HELQ: variants seen among roughly 807,000 people sequenced by gnomAD.
HELQ encodes helicase POLQ-like.
Under a neutral mutation model 111.6 loss-of-function variants are expected in HELQ, and 77 were observed. The observed-to-expected ratio is 0.69, with a 90% CI of 0.57 to 0.83. The LOEUF is 0.83. Among genes scored for constraint, HELQ ranks in the 40% least tolerant of loss-of-function variants. HELQ has a pLI of 0.00. For missense variants in HELQ, 1,200 were observed against 1,288.5 expected (o/e 0.93, Z 1.05); for synonymous variants, 438 against 454.7 (o/e 0.96, Z 0.47).
intron 15 of HELQ, among the ~76,000 whole-genome samples, chr4:83,419,516 A>C (rs1398647262): frequency 6.7e-6 from 1 of 149,458 alleles, no homozygotes; most frequent in Non-Finnish European, 1.5e-5. Context: ...AAATGAAGTA[A>C]ATTAATTAGA....
At chr4:83,415,132 G>A (rs1195673336) in intron 17 of HELQ, among the ~76,000 whole-genome samples, 1 of 152,228 alleles carries the variant, frequency 6.6e-6, no homozygotes, top group African/African-American at 2.4e-5. Flanking sequence ...TAGAACCACA[G>A]TTGAGATCAA....
intron 5 of HELQ, 37 bp downstream of exon 5, chr4:83,445,977 T>C (rs1486383560): frequency 7.7e-7 from 1 of 1,292,384 alleles, no homozygotes; most frequent in African/African-American, 1.5e-5. Flanking sequence ...CTCTTGATTA[T>C]AAATCAATTC....
chr4:83,446,219 T>C, intron 4 of HELQ, 133 bp from the exon 5 acceptor site: 1 of 620,180 alleles, frequency 1.6e-6, no homozygotes, highest in East Asian at 2.8e-5. Context: ...ATATAACAAC[T>C]ATAATACATG....
rs750265248 is a variant in HELQ, at chr4:83,446,829, A to T, written c.1392+6T>A. The T allele has an allele frequency of 1.1e-5, 17 of 1,586,294 alleles. 1 individual carries two copies. In the South Asian group the frequency reaches 1.9e-4, roughly 18 times the overall value. On this transcript the variant is annotated splice_donor_region_variant and intron_variant, in intron 4 of 17. Coordinates refer to ENST00000295488, the MANE Select transcript of HELQ (RefSeq NM_133636.5). ...ATATTGACAAATTACAAAAGTATTA[A>T]CCAACCTCGTCTACAACAACCAGAC...
Position 83,432,123 on chromosome 4 carries a change from T to G in HELQ, c.2190+3A>C. ...ACAACCAACCAACCAAATTGAGTAT[T>G]ACCTGTTGTTTGTCTTTTTCTTGCA... On this transcript the variant is annotated splice_donor_region_variant and intron_variant, in intron 10 of 17. Transcript: ENST00000295488. 6.3e-7 allele frequency: 1 copy of G among 1,577,774 alleles called. No homozygotes were observed. The highest frequency in any genetic ancestry group is 8.6e-7 in the Non-Finnish European group (1 of 1,164,528).
Position 83,455,500 on chromosome 4 carries a change from G to A in HELQ, c.194C>T (p.Pro65Leu). 6.2e-7 allele frequency: 1 copy of A among 1,614,094 alleles called. No individual in the cohort carries two copies. Among genetic ancestry groups the A allele is most frequent in the East Asian group, 2.2e-5 (1 of 44,868 alleles). Residue 65 changes from proline (P) to leucine (L), a missense_variant, in exon 1 of 18, where the codon CCC becomes CTC. Around this residue, in one of 3 missense-constraint regions of HELQ, gnomAD observed 610 missense variants for 607.1 expected, o/e 1.00. Transcript: ENST00000295488. ...TTCCGGGGAATCTGAGAGTAGAAGG[G>A]GCTGTACCTCAACCGGCAGTACGCC... The part of the protein sequence containing the change: ...TAGVLPVEVQ[P>L]LLLSDSPECL...
chr4:83,455,251 T>G, intron 1 of HELQ, 146 bp downstream of exon 1: 2 of 1,471,356 alleles, frequency 1.4e-6, no homozygotes, highest in Non-Finnish European at 9.1e-7. Context: ...GAAATGTAAA[T>G]AACAAGGCAA....
intron 7 of HELQ, among the ~76,000 whole-genome samples, chr4:83,440,792 G>T (rs2868779): frequency 0.45 from 67,836 of 151,860 alleles, 15,663 homozygotes; most frequent in East Asian, 0.67. Context: ...ACAGCCCCAG[G>T]GCCCAAAGAA....
chr4:83,444,871 T>G (rs1006845255), intron 5 of HELQ, among the ~76,000 whole-genome samples: 7 of 152,160 alleles, frequency 4.6e-5, no homozygotes, highest in Non-Finnish European at 1.0e-4. Context: ...TAAAATAAAC[T>G]AATTGGATTT....
In HELQ at chr4:83,452,898, A is replaced by T. The variant is rs183823382; in HGVS notation, c.1012+333T>A. Reference sequence around the variant, plus strand: ...GCTACCAATATAATTATTGAAAATCATTACCAACATTGAATTTGGCATGTC... The same window carrying T: ...GCTACCAATATAATTATTGAAAATCTTTACCAACATTGAATTTGGCATGTC... On this transcript the variant is annotated intron_variant, in intron 2 of 17. Transcript: ENST00000295488. Among the ~76,000 whole-genome samples the T allele has an allele frequency of 6.8e-4, 103 of 152,344 alleles. 1 individual carries two copies. The highest frequency in any genetic ancestry group is 2.4e-3 in the African/African-American group (99 of 41,578).
intron 11 of HELQ, 71 bp downstream of exon 11, chr4:83,431,593 G>A: frequency 1.6e-6 from 1 of 609,876 alleles, no homozygotes; most frequent in Non-Finnish European, 2.7e-6. Context: ...CATATATAAA[G>A]TTATTGCATA....
chr4:83,408,179 A>C (rs1738889074), intron 17 of HELQ, among the ~76,000 whole-genome samples: 1 of 152,234 alleles, frequency 6.6e-6, no homozygotes, highest in Admixed American at 6.5e-5. Flanking sequence ...AATACAGAGA[A>C]TATCAAGAAC....
chr4:83,446,036 T>C lies in HELQ; in HGVS notation c.1443A>G (p.Leu481=), dbSNP rs1324786318. ...TACTGCTAGTGTAGAGGATTTTTGC[T>C]AGGGTCATTTCCAGTGTAGCTCCAC... The part of the protein sequence containing the change: ...GSRGATLEMT[L]AKILYTSKTT... Residue 481 remains leucine, a synonymous_variant, in exon 5 of 18, where the codon CTA becomes CTG. Coordinates refer to ENST00000295488, the MANE Select transcript of HELQ (RefSeq NM_133636.5). 1.2e-6 allele frequency: 2 copies of C among 1,612,648 alleles called. No homozygotes were observed. The highest frequency in any genetic ancestry group is 1.7e-6 in the Non-Finnish European group (2 of 1,178,948).
In HELQ at chr4:83,453,402, T is replaced by G. The variant is rs1235189968; in HGVS notation, c.841A>C (p.Thr281Pro). The part of the protein sequence containing the change: ...NAMTGNAKAQ[T>P]PIFSRSKQLK... ...TGTTTACTTCTAGAAAATATTGGTG[T>G]CTGGGCCTTCGCATTTCCAGTCATG... is the stretch of plus-strand genomic sequence containing the variant. The change falls in exon 2 of 18, where the codon ACA becomes CCA. Residue 281 changes from threonine (T) to proline (P), a missense_variant. Physicochemically the swap from Thr to Pro is conservative, Grantham distance 38 (BLOSUM62 -1). Transcript: ENST00000295488. 1.2e-6 allele frequency: 2 copies of G among 1,605,924 alleles called. No individual in the cohort carries two copies.
rs1451609341 is a variant in HELQ, at chr4:83,455,482, G to A, written c.212C>T (p.Ser71Phe). 1 of 1,614,176 alleles carries A rather than the reference G, an allele frequency of 6.2e-7. No homozygotes were observed. The highest frequency in any genetic ancestry group is 1.1e-5 in the South Asian group (1 of 91,082). Residue 71 changes from serine to phenylalanine, a missense_variant, in exon 1 of 18, where the codon TCC becomes TTC. Coordinates refer to ENST00000295488, the MANE Select transcript of HELQ (RefSeq NM_133636.5). ...VEVQPLLLSD[S>F]PECLVLGGGD... ...ACCTCCAAGGACGAGACATTCCGGG[G>A]AATCTGAGAGTAGAAGGGGCTGTAC...
intron 17 of HELQ, among the ~76,000 whole-genome samples, chr4:83,414,007 C>G (rs1213612797): frequency 6.6e-6 from 1 of 152,148 alleles, no homozygotes; most frequent in Non-Finnish European, 1.5e-5. Context: ...AAAACATGAG[C>G]AAAATAAGAT....
intron 9 of HELQ, among the ~76,000 whole-genome samples, chr4:83,435,767 T>G (rs1008891710): frequency 5.9e-5 from 9 of 152,128 alleles, no homozygotes; most frequent in African/African-American, 1.9e-4. Context: ...GCTAAGCCTC[T>G]TTTTATGTTC....
At chr4:83,433,178 C>T (rs983885063) in intron 9 of HELQ, among the ~76,000 whole-genome samples, 4 of 152,070 alleles carry the variant, frequency 2.6e-5, no homozygotes, top group Non-Finnish European at 5.9e-5. Context: ...AGTCAACTTC[C>T]TCTTTATTTA....
intron 8 of HELQ, among the ~76,000 whole-genome samples, chr4:83,438,714 C>G (rs2109997579): frequency 7.4e-6 from 1 of 135,472 alleles, no homozygotes; most frequent in Admixed American, 7.8e-5. Flanking sequence ...CTACTGCATT[C>G]CAGCATAGGT....
Sources: allele counts gnomAD v4.1 joint callset (sites outside exome capture counted in the v4.1 genomes callset), GRCh38; gene constraint gnomAD v4.1.1; regional missense constraint gnomAD v4.1.1; transcripts MANE v1.5; gene names NCBI Gene and HGNC (gene_info 2026-07-23, HGNC 2026-07-21).